SEMA3A: variants seen among roughly 807,000 people sequenced by gnomAD.
SEMA3A encodes the protein semaphorin 3A, also known as semaphorin-3A.
SEMA3A carries 29 observed loss-of-function variants against 97.9 expected under a neutral mutation model. The observed-to-expected ratio is 0.30, with a 90% CI of 0.22 to 0.40. The LOEUF (loss-of-function observed/expected upper bound fraction) is 0.40, where lower values mean the gene tolerates loss of function less well. Among genes scored for constraint, SEMA3A ranks in the 10% least tolerant of loss-of-function variants. The probability of loss-of-function intolerance (pLI) is 1.00; values close to 1 mark genes in which losing one functional copy is unlikely to be tolerated. For missense variants in SEMA3A, 763 were observed against 951.3 expected (o/e 0.80, Z 2.60); for synonymous variants, 321 against 323.7 (o/e 0.99, Z 0.09).
intron 6 of SEMA3A, among the ~76,000 whole-genome samples, chr7:84,041,711 C>A (rs1470591813): frequency 6.6e-6 from 1 of 151,992 alleles, no homozygotes; most frequent in Non-Finnish European, 1.5e-5. Context: ...ACTAAGAGGA[C>A]CTTTGTTGTT....
intron 14 of SEMA3A, among the ~76,000 whole-genome samples, chr7:83,978,162 C>T (rs1021511915): frequency 6.6e-6 from 1 of 151,984 alleles, no homozygotes; most frequent in African/African-American, 2.4e-5. Flanking sequence ...TGATTGCAAA[C>T]CAATTTACCT....
Position 84,055,577 on chromosome 7 carries a change from C to T in SEMA3A, c.547+4888G>A, listed in dbSNP as rs533375144. ...CCTGCTTTGGCTCGTGCACGGTGCG[C>T]GCACCCACTGACCTGCGCCCACTGT... On this transcript the variant is annotated intron_variant, in intron 5 of 16. Coordinates refer to ENST00000265362, the MANE Select transcript of SEMA3A (RefSeq NM_006080.3). Among the ~76,000 whole-genome samples, 32 of 152,246 alleles carry T rather than the reference C, an allele frequency of 2.1e-4. No homozygotes were observed. In the East Asian group the frequency reaches 3.5e-3, roughly 17 times the overall value.
intron 3 of SEMA3A, among the ~76,000 whole-genome samples, chr7:84,264,215 A>G (rs1340909932): frequency 6.6e-6 from 1 of 152,158 alleles, no homozygotes; most frequent in African/African-American, 2.4e-5. Context: ...AGCTATTTGC[A>G]TAGATGGAAT....
intron 14 of SEMA3A, among the ~76,000 whole-genome samples, chr7:83,980,623 A>AAAAAAAAAATATATAT (rs1310318006): frequency 2.5e-4 from 18 of 71,742 alleles, no homozygotes; most frequent in African/African-American, 1.0e-3. Context: ...AAAAAAAAAA[A>AAAAAAAAAATATATAT]ATATATATAT....
intron 15 of SEMA3A, among the ~76,000 whole-genome samples, chr7:83,964,805 T>A (rs913288832): frequency 6.6e-6 from 1 of 152,208 alleles, no homozygotes; most frequent in Non-Finnish European, 1.5e-5. Flanking sequence ...TTAAAAAAAA[T>A]TGGACATGCA....
At chr7:84,156,743 C>A (rs1796857735) in intron 1 of SEMA3A, among the ~76,000 whole-genome samples, 1 of 151,956 alleles carries the variant, frequency 6.6e-6, no homozygotes. Context: ...CGATTTTTTT[C>A]TCTATATATT....
chr7:84,150,157 T>C (rs1426284502), intron 1 of SEMA3A, among the ~76,000 whole-genome samples: 2 of 152,252 alleles, frequency 1.3e-5, no homozygotes, highest in Non-Finnish European at 2.9e-5. Context: ...AATTATTTTT[T>C]AACTTTACCC....
At chr7:84,269,013 T>C (rs1436392476) in intron 3 of SEMA3A, among the ~76,000 whole-genome samples, 1 of 152,198 alleles carries the variant, frequency 6.6e-6, no homozygotes, top group Non-Finnish European at 1.5e-5. Context: ...TTACTGTTAC[T>C]ACTCCTTGCT....
At chr7:84,280,575 G>C (rs1301392434) in intron 3 of SEMA3A, among the ~76,000 whole-genome samples, 1 of 152,026 alleles carries the variant, frequency 6.6e-6, no homozygotes, top group African/African-American at 2.4e-5. Context: ...CCTAAGTTCA[G>C]GAGTTCAAGA....
chr7:84,058,173 G>A (rs997975378), intron 5 of SEMA3A, among the ~76,000 whole-genome samples: 29 of 152,136 alleles, frequency 1.9e-4, no homozygotes, highest in African/African-American at 6.8e-4. Flanking sequence ...TTATTTCCCA[G>A]TATTGGGGAA....
intron 1 of SEMA3A, among the ~76,000 whole-genome samples, chr7:84,136,321 C>A (rs761196006): frequency 7.9e-5 from 12 of 152,190 alleles, no homozygotes; most frequent in South Asian, 2.1e-4. Context: ...ATTTGTCCTA[C>A]TGACCTCTTC....
At chr7:83,973,917 T>TG (rs1789023475) in intron 15 of SEMA3A, among the ~76,000 whole-genome samples, 1 of 147,150 alleles carries the variant, frequency 6.8e-6, no homozygotes, top group Non-Finnish European at 1.5e-5. Flanking sequence ...TTTTTTTTTT[T>TG]CCTTTCTGGA....
At chr7:84,008,377 G>A (rs1293817060) in intron 9 of SEMA3A, among the ~76,000 whole-genome samples, 2 of 151,572 alleles carry the variant, frequency 1.3e-5, no homozygotes, top group East Asian at 2.0e-4. Context: ...TGTAGTCCCA[G>A]CTACTCGGGA....
chr7:84,410,541 T>G (rs1428977358), intron 1 of SEMA3A, among the ~76,000 whole-genome samples: 1 of 152,120 alleles, frequency 6.6e-6, no homozygotes, highest in East Asian at 1.9e-4. Flanking sequence ...AGGTGCTAGT[T>G]TCCAATAAAG....
intron 1 of SEMA3A, among the ~76,000 whole-genome samples, chr7:84,436,521 C>A (rs937286851): frequency 6.6e-6 from 1 of 152,106 alleles, no homozygotes; most frequent in Non-Finnish European, 1.5e-5. Flanking sequence ...ATATGCATAA[C>A]ATTTTACTGG....
intron 3 of SEMA3A, among the ~76,000 whole-genome samples, chr7:84,239,501 T>C (rs1424455586): frequency 6.6e-6 from 1 of 152,024 alleles, no homozygotes; most frequent in Non-Finnish European, 1.5e-5. Context: ...GAACTGTTAC[T>C]TGAGGGAATA....
At chr7:84,003,127 G>C (rs1293568460) in intron 11 of SEMA3A, among the ~76,000 whole-genome samples, 3 of 152,010 alleles carry the variant, frequency 2.0e-5, no homozygotes. Flanking sequence ...ATAATTCATC[G>C]ATAACTGTTT....
At chr7:84,150,405 G>A (rs536885047) in intron 1 of SEMA3A, among the ~76,000 whole-genome samples, 1 of 152,336 alleles carries the variant, frequency 6.6e-6, no homozygotes, top group Non-Finnish European at 1.5e-5. Context: ...AGCCGAAGCA[G>A]GGCGAGGCAT....
chr7:84,208,430 T>C (rs374102473), intron 3 of SEMA3A, among the ~76,000 whole-genome samples: 16 of 149,252 alleles, frequency 1.1e-4, no homozygotes, highest in Middle Eastern at 3.4e-3. Context: ...CCAGCCTGGG[T>C]GACAGAGACT....
Sources: allele counts gnomAD v4.1 joint callset (sites outside exome capture counted in the v4.1 genomes callset), GRCh38; gene constraint gnomAD v4.1.1; transcripts MANE v1.5; gene names NCBI Gene and HGNC (gene_info 2026-07-23, HGNC 2026-07-21).